Variants in GNA12 observed in about 807,000 individuals in gnomAD.
GNA12 encodes G protein subunit alpha 12, also known as guanine nucleotide-binding protein subunit alpha-12.
A neutral mutation model predicts 26.0 loss-of-function variants in GNA12; 9 were observed. The observed-to-expected ratio is 0.35, with a 90% CI of 0.21 to 0.60. The LOEUF (loss-of-function observed/expected upper bound fraction) is 0.60. Among genes scored for constraint, GNA12 ranks in the 20% least tolerant of loss-of-function variants. The pLI is 0.78. For synonymous variants in GNA12, 264 were observed against 219.6 expected (o/e 1.20, Z -1.79); for missense variants, 405 against 525.8 (o/e 0.77, Z 2.25).
At chr7:2,753,166 A>T (rs551384696) in intron 2 of GNA12, among the ~76,000 whole-genome samples, 2,495 of 148,534 alleles carry the variant, frequency 0.017, 62 homozygotes, top group African/African-American at 0.056. Context: ...TTTTTTTTTT[A>T]AAAAAAGAGA....
chr7:2,843,627 A>G (rs1017558914), intron 1 of GNA12, among the ~76,000 whole-genome samples: 1 of 151,216 alleles, frequency 6.6e-6, no homozygotes, highest in Non-Finnish European at 1.5e-5. Context: ...AGCCTGGGAA[A>G]CACAGCGAGA....
chr7:2,755,571 A>C (rs1192809331), intron 2 of GNA12, among the ~76,000 whole-genome samples: 2 of 152,140 alleles, frequency 1.3e-5, no homozygotes. Flanking sequence ...ATAGAAGTAA[A>C]ATTTATATTT....
At chr7:2,832,683 AG>A (rs1165366426) in intron 1 of GNA12, among the ~76,000 whole-genome samples, 36 of 152,166 alleles carry the variant, frequency 2.4e-4, no homozygotes, top group Admixed American at 8.5e-4. Flanking sequence ...CATGTGACAA[AG>A]TTGGTGCTGT....
chr7:2,794,987 C>G lies in GNA12; in HGVS notation c.466G>C (p.Ala156Pro). Reference sequence around the variant, plus strand: ...CTGATGCCAGAATCCCTCCAGAGTGCGCTCAGGGCCGGGACGTACAGCTGG... The same window carrying G: ...CTGATGCCAGAATCCCTCCAGAGTGGGCTCAGGGCCGGGACGTACAGCTGG... Reference protein sequence around the residue: ...TFQLYVPALSALWRDSGIREA... With the variant: ...TFQLYVPALSPLWRDSGIREA... Residue 156 changes from alanine to proline, a missense_variant, in exon 2 of 4, where the codon GCA (alanine) becomes CCA (proline). By Grantham distance (27) the Ala-to-Pro change is conservative. Transcript: ENST00000275364. 1 of 1,614,184 alleles carries G rather than the reference C, an allele frequency of 6.2e-7. No homozygotes were observed. The highest frequency in any genetic ancestry group is 8.5e-7 in the Non-Finnish European group (1 of 1,180,022).
chr7:2,747,116 T>C (rs371930418), intron 2 of GNA12, among the ~76,000 whole-genome samples: 2 of 152,168 alleles, frequency 1.3e-5, no homozygotes, highest in South Asian at 4.1e-4. Context: ...CACCATTCCT[T>C]CTGAAACTAT....
chr7:2,827,163 T>C (rs1793502837), intron 1 of GNA12, among the ~76,000 whole-genome samples: 1 of 152,226 alleles, frequency 6.6e-6, no homozygotes, highest in African/African-American at 2.4e-5. Flanking sequence ...ATTCCATTTA[T>C]ATGAAATATT....
intron 1 of GNA12, among the ~76,000 whole-genome samples, chr7:2,809,139 T>C (rs1793017737): frequency 6.6e-6 from 1 of 151,968 alleles, no homozygotes; most frequent in African/African-American, 2.4e-5. Flanking sequence ...GCCTTCAGAG[T>C]CCACTCAGCA....
intron 1 of GNA12, 32 bp from the exon 2 acceptor site, chr7:2,795,175 A>T (rs368937953): frequency 3.0e-5 from 47 of 1,544,104 alleles, no homozygotes; most frequent in African/African-American, 4.1e-5. Context: ...AGAGGATTTA[A>T]TTGCATTCCA....
chr7:2,817,502 C>T (rs1583306015), intron 1 of GNA12, among the ~76,000 whole-genome samples: 2 of 152,198 alleles, frequency 1.3e-5, no homozygotes, highest in African/African-American at 2.4e-5. Context: ...CCTGCTCTCT[C>T]GCCCTCACTC....
chr7:2,842,112 G>GAAAGGAAGAA (rs1323000908), intron 1 of GNA12, among the ~76,000 whole-genome samples: 3 of 83,986 alleles, frequency 3.6e-5, no homozygotes, highest in African/African-American at 1.0e-4. Context: ...GGAAGGAAGG[G>GAAAGGAAGAA]AAGGGAGGAA....
intron 2 of GNA12, among the ~76,000 whole-genome samples, chr7:2,772,739 C>T (rs983363067): frequency 1.7e-4 from 26 of 152,108 alleles, no homozygotes; most frequent in African/African-American, 6.0e-4. Context: ...TAAACCAGTA[C>T]GGCCAGTTTG....
intron 2 of GNA12, among the ~76,000 whole-genome samples, chr7:2,770,142 TAAAC>T (rs1259674204): frequency 2.6e-5 from 4 of 152,186 alleles, no homozygotes; most frequent in South Asian, 4.2e-4. Context: ...TAGCAACAAA[TAAAC>T]AAACCTACAA....
chr7:2,743,716 G>C (rs1434548359), intron 2 of GNA12, among the ~76,000 whole-genome samples: 1 of 152,186 alleles, frequency 6.6e-6, no homozygotes, highest in Non-Finnish European at 1.5e-5. Flanking sequence ...AGCCGAAGCA[G>C]GGCGAGGCAC....
At chr7:2,838,311 C>T (rs1385021305) in intron 1 of GNA12, among the ~76,000 whole-genome samples, 6 of 149,344 alleles carry the variant, frequency 4.0e-5, no homozygotes, top group Admixed American at 2.7e-4. Context: ...CAGGGAGGAT[C>T]GCTCATGCCT....
chr7:2,823,717 TAAAA>T (rs1793420081), intron 1 of GNA12, among the ~76,000 whole-genome samples: 1 of 152,096 alleles, frequency 6.6e-6, no homozygotes, highest in South Asian at 2.1e-4. Context: ...AATTAAAAAT[TAAAA>T]AAGCATGTTG....
Position 2,742,724 on chromosome 7 carries a change from T to G in GNA12, c.526-9223A>C, listed in dbSNP as rs529171396. On this transcript the variant is annotated intron_variant, in intron 2 of 3. Coordinates refer to ENST00000275364, the MANE Select transcript of GNA12 (RefSeq NM_007353.3). ...AATTCCTCTTGGTAATGCTTATAAATTTTCTGTACACAGGTGATGCACATC... is the reference window on the plus strand; with the variant it reads ...AATTCCTCTTGGTAATGCTTATAAAGTTTCTGTACACAGGTGATGCACATC... Among the ~76,000 whole-genome samples, 5 of 152,364 alleles carry G rather than the reference T, an allele frequency of 3.3e-5. No individual in the cohort carries two copies. In the East Asian group the frequency reaches 9.6e-4, roughly 29 times the overall value.
intron 2 of GNA12, among the ~76,000 whole-genome samples, chr7:2,783,810 G>A (rs1304113538): frequency 4.0e-5 from 6 of 151,768 alleles, no homozygotes; most frequent in Admixed American, 2.0e-4. Flanking sequence ...TCAGCCTCCC[G>A]AGTAGGTGGG....
At chr7:2,832,137 G>A (rs1778691734) in intron 1 of GNA12, among the ~76,000 whole-genome samples, 2 of 152,188 alleles carry the variant, frequency 1.3e-5, no homozygotes, top group African/African-American at 4.8e-5. Flanking sequence ...AGTCCAGGTG[G>A]ATGTGTTCAT....
chr7:2,776,271 T>C lies in GNA12; in HGVS notation c.525+18657A>G, dbSNP rs1464200041. On this transcript the variant is annotated intron_variant, in intron 2 of 3. Coordinates refer to ENST00000275364, the MANE Select transcript of GNA12 (RefSeq NM_007353.3). The stretch of plus-strand genomic sequence containing the variant: ...TCTTAACCAGAGTGAACACTGACTC[T>C]GGACTGGGCTTTGCTTGCCTGGTGG... 4.6e-5 allele frequency among the ~76,000 whole-genome samples: 7 copies of C among 152,208 alleles called. No individual in the cohort carries two copies. In the East Asian group the frequency reaches 1.3e-3, roughly 29 times the overall value.
Sources: gnomAD v4.1 joint callset for allele counts (sites outside exome capture counted in the v4.1 genomes callset) on GRCh38, gnomAD v4.1.1 for gene constraint, MANE v1.5 for transcripts, NCBI Gene and HGNC (gene_info 2026-07-23, HGNC 2026-07-21) for gene names.